Variants in LHFPL3 observed in about 807,000 individuals in gnomAD.
LHFPL3 encodes the protein LHFPL tetraspan subfamily member 3 protein.
A neutral mutation model predicts 19.3 loss-of-function variants in LHFPL3; 5 were observed. That is an observed-to-expected ratio of 0.26 (90% CI 0.14 to 0.54). The LOEUF (loss-of-function observed/expected upper bound fraction) is 0.54. LHFPL3 is among the 20% of genes least tolerant of loss of function. The pLI is 0.94. For missense variants in LHFPL3, 249 were observed against 307.4 expected (o/e 0.81, Z 1.42); for synonymous variants, 133 against 126.2 (o/e 1.05, Z -0.36).
chr7:104,734,325 G>A (rs990210710), intron 1 of LHFPL3, among the ~76,000 whole-genome samples: 5 of 152,166 alleles, frequency 3.3e-5, no homozygotes, highest in African/African-American at 9.7e-5. Context: ...TTCCAACTTG[G>A]TTCCATTCTC....
rs147003458 is a variant in LHFPL3, at chr7:104,446,300, T to G, written c.445+117076T>G. Among the ~76,000 whole-genome samples, 138 of 152,300 alleles carry G rather than the reference T, an allele frequency of 9.1e-4. 2 individuals carry two copies. In the East Asian group the frequency reaches 0.023, roughly 25 times the overall value. On this transcript the variant is annotated intron_variant, in intron 1 of 2. Transcript: ENST00000424859. Reference sequence around the variant, plus strand: ...AAAACAAATATAAAAACACAGTCACTGAAGATGTGGCCACTGGAAGACCTT... The same window carrying G: ...AAAACAAATATAAAAACACAGTCACGGAAGATGTGGCCACTGGAAGACCTT...
Position 104,696,445 on chromosome 7 carries a change from G to GGTGTGT in LHFPL3, c.446-40208_446-40203dup, listed in dbSNP as rs5886329. ...AACAGAAAAATAAAAAGTGTTACTA[G>GGTGTGT]GTGTGTGTGTGTGTGTGTGTGTGTG... On this transcript the variant is annotated intron_variant, in intron 1 of 2. Coordinates refer to ENST00000424859, the MANE Select transcript of LHFPL3 (RefSeq NM_199000.3). Among the ~76,000 whole-genome samples the GGTGTGT allele has an allele frequency of 2.5e-3, 370 of 150,066 alleles. 4 individuals carry two copies. Among genetic ancestry groups the GGTGTGT allele is most frequent in the African/African-American group, 8.3e-3 (340 of 40,892 alleles).
At chr7:104,897,120 CTA>C (rs1792379547) in intron 2 of LHFPL3, among the ~76,000 whole-genome samples, 1 of 151,988 alleles carries the variant, frequency 6.6e-6, no homozygotes, top group African/African-American at 2.4e-5. Context: ...GAAGAACAAT[CTA>C]TTTATTTCTG....
At chr7:104,397,794 C>T (rs1345515076) in intron 1 of LHFPL3, among the ~76,000 whole-genome samples, 1 of 152,148 alleles carries the variant, frequency 6.6e-6, no homozygotes, top group Non-Finnish European at 1.5e-5. Flanking sequence ...AAGAAGGTGA[C>T]AGCAGACTTG....
chr7:104,542,025 A>G (rs1418367367), intron 1 of LHFPL3, among the ~76,000 whole-genome samples: 4 of 152,098 alleles, frequency 2.6e-5, no homozygotes, highest in African/African-American at 7.2e-5. Context: ...TATTTGAAGC[A>G]AGAAGTGGGC....
At chr7:104,462,864 G>T (rs1235281267) in intron 1 of LHFPL3, among the ~76,000 whole-genome samples, 1 of 152,054 alleles carries the variant, frequency 6.6e-6, no homozygotes, top group Admixed American at 6.6e-5. Flanking sequence ...GACTCCATGT[G>T]GTCCTGGGGT....
chr7:104,871,860 G>T (rs2116660567), intron 2 of LHFPL3, among the ~76,000 whole-genome samples: 1 of 151,736 alleles, frequency 6.6e-6, no homozygotes, highest in South Asian at 2.1e-4. Flanking sequence ...GTTACTCCAT[G>T]TTGGTCAGGC....
At chr7:104,876,081 A>G (rs955866475) in intron 2 of LHFPL3, among the ~76,000 whole-genome samples, 6 of 152,228 alleles carry the variant, frequency 3.9e-5, no homozygotes, top group African/African-American at 1.4e-4. Flanking sequence ...AGCCATATGT[A>G]GAAAGCTGAA....
intron 1 of LHFPL3, among the ~76,000 whole-genome samples, chr7:104,543,663 G>A (rs1461120335): frequency 6.8e-6 from 1 of 147,204 alleles, no homozygotes; most frequent in African/African-American, 2.5e-5. Flanking sequence ...CTATCGCAAG[G>A]ACAAAAAAAC....
At chr7:104,528,875 A>G (rs969234045) in intron 1 of LHFPL3, among the ~76,000 whole-genome samples, 1 of 152,214 alleles carries the variant, frequency 6.6e-6, no homozygotes, top group African/African-American at 2.4e-5. Context: ...TGTAAGGGAT[A>G]GGAAATCCAA....
intron 1 of LHFPL3, among the ~76,000 whole-genome samples, chr7:104,600,650 G>A (rs1199755401): frequency 6.6e-6 from 1 of 152,130 alleles, no homozygotes; most frequent in Non-Finnish European, 1.5e-5. Context: ...AAATTTAGAG[G>A]CACCAGAGAC....
chr7:104,555,439 T>C (rs1794745393), intron 1 of LHFPL3, among the ~76,000 whole-genome samples: 3 of 152,132 alleles, frequency 2.0e-5, no homozygotes. Flanking sequence ...GCAAGTCACA[T>C]CTTACATGGA....
chr7:104,519,405 T>G (rs1483817097), intron 1 of LHFPL3, among the ~76,000 whole-genome samples: 1 of 152,172 alleles, frequency 6.6e-6, no homozygotes, highest in Admixed American at 6.5e-5. Context: ...AATTCATGTT[T>G]AAGGAAATTA....
intron 1 of LHFPL3, among the ~76,000 whole-genome samples, chr7:104,612,620 A>T (rs1791232325): frequency 6.6e-6 from 1 of 152,208 alleles, no homozygotes. Flanking sequence ...TAGACTATAA[A>T]TTTGAAAGCA....
At chr7:104,774,472 C>T (rs922114540) in intron 2 of LHFPL3, among the ~76,000 whole-genome samples, 7 of 152,134 alleles carry the variant, frequency 4.6e-5, no homozygotes, top group African/African-American at 1.7e-4. Context: ...GAATTTGGCC[C>T]CAGGCAGCCA....
rs565114202 is a variant in LHFPL3, at chr7:104,631,754, T to A, written c.446-104921T>A. On this transcript the variant is annotated intron_variant, in intron 1 of 2. Transcript: ENST00000424859. Reference sequence around the variant, plus strand: ...GAACTACAGCACTTCTGAAACAGGATGATGAAGAGGCTAAGAATAGTGAAA... The same window carrying A: ...GAACTACAGCACTTCTGAAACAGGAAGATGAAGAGGCTAAGAATAGTGAAA... Among the ~76,000 whole-genome samples the A allele has an allele frequency of 9.9e-5, 15 of 152,258 alleles. No homozygotes were observed. In the South Asian group the frequency reaches 2.1e-3, roughly 21 times the overall value.
intron 2 of LHFPL3, among the ~76,000 whole-genome samples, chr7:104,851,081 G>T (rs1173555380): frequency 6.6e-6 from 1 of 152,098 alleles, no homozygotes; most frequent in Non-Finnish European, 1.5e-5. Context: ...CTCATGTCTT[G>T]CCAGTCATGA....
chr7:104,350,675 G>A (rs953962671), intron 1 of LHFPL3, among the ~76,000 whole-genome samples: 3 of 152,186 alleles, frequency 2.0e-5, no homozygotes, highest in Admixed American at 1.3e-4. Flanking sequence ...ACACAAACAA[G>A]TAATTAAATA....
chr7:104,584,216 C>A (rs985852643), intron 1 of LHFPL3, among the ~76,000 whole-genome samples: 1 of 151,988 alleles, frequency 6.6e-6, no homozygotes, highest in Admixed American at 6.6e-5. Context: ...GGACAAAAAA[C>A]CAAACACCGC....
Sources: gnomAD v4.1 joint callset for allele counts (sites outside exome capture counted in the v4.1 genomes callset) on GRCh38, gnomAD v4.1.1 for gene constraint, MANE v1.5 for transcripts, NCBI Gene and HGNC (gene_info 2026-07-23, HGNC 2026-07-21) for gene names.